Variants in HAP1 observed in about 807,000 individuals in gnomAD.
HAP1 encodes huntingtin-associated protein 1.
HAP1 carries 59 observed loss-of-function variants against 60.3 expected under a neutral mutation model. That is an observed-to-expected ratio of 0.98 (90% CI 0.79 to 1.22). The LOEUF (loss-of-function observed/expected upper bound fraction) is 1.22, where lower values mean the gene tolerates loss of function less well. Ranked by LOEUF, HAP1 falls within the 50% of genes most tolerant of loss-of-function variation. HAP1 has a pLI of 0.00. For missense variants in HAP1, 825 were observed against 785.3 expected, an observed-to-expected ratio of 1.05 and a Z score of -0.60; for synonymous variants, 346 against 330.6, an observed-to-expected ratio of 1.05 and a Z score of -0.50.
intron 6 of HAP1, among the ~76,000 whole-genome samples, chr17:41,729,549 CAAAAAAAAAAAAAAA>C (rs1162563636): frequency 6.3e-5 from 4 of 63,094 alleles, no homozygotes; most frequent in Admixed American, 2.0e-4. Flanking sequence ...GCCTCCTTCT[CAAAAAAAAAAAAAAA>C]AAAAAAAAAA....
chr17:41,731,787 T>G (rs931678719), intron 4 of HAP1, 44 bp from the exon 5 acceptor site: 61 of 1,388,744 alleles, frequency 4.4e-5, no homozygotes, highest in Non-Finnish European at 5.5e-5. Context: ...GGAGTGGGGC[T>G]TCCCAGTTCC....
At chr17:41,726,621 G>A (rs1212231629) in intron 9 of HAP1, among the ~76,000 whole-genome samples, 4 of 151,832 alleles carry the variant, frequency 2.6e-5, no homozygotes, top group Admixed American at 1.3e-4. Context: ...CCAGCACTTT[G>A]GGAGGCTGAG....
At chr17:41,730,434 G>C (rs1912104944) in intron 6 of HAP1, 1 of 152,192 alleles carries the variant, frequency 6.6e-6, no homozygotes, top group African/African-American at 2.4e-5. Flanking sequence ...ACTCATTAAG[G>C]CTGTGTGCAG....
At chr17:41,727,918 G>C (rs1310195905) in intron 7 of HAP1, 82 bp from the exon 8 acceptor site, 4 of 860,892 alleles carry the variant, frequency 4.6e-6, no homozygotes, top group Admixed American at 1.9e-5. Context: ...GTCTTCCCAG[G>C]CACATCAGTG....
intron 8 of HAP1, chr17:41,727,451 G>A (rs782764313): frequency 5.8e-5 from 45 of 778,274 alleles, no homozygotes; most frequent in Non-Finnish European, 8.4e-5. Context: ...CCACCCACAC[G>A]CTCTGCTGGG....
rs782780011 is a variant in HAP1, at chr17:41,732,318, C to A, written c.626G>T (p.Arg209Leu). Residue 209 changes from arginine (R) to leucine (L), a missense_variant, in exon 3 of 11, where the codon CGC becomes CTC. Transcript: ENST00000347901. ...QRERDLNTAA[R>L]IGQSLVKQNS... ...CTGTTTCACCAGGGACTGGCCGATG[C>A]GAGCTGCAGTGTTCAGGTCCCTCTC... 13 of 1,613,906 alleles carry A rather than the reference C, an allele frequency of 8.1e-6. No homozygotes were observed. The highest frequency in any genetic ancestry group is 5.3e-5 in the African/African-American group (4 of 74,910).
Position 41,734,284 on chromosome 17 carries a change from G to A in HAP1, c.351C>T (p.Ala117=), listed in dbSNP as rs1555591985. The A allele has an allele frequency of 1.2e-6, 2 of 1,608,850 alleles. No individual in the cohort carries two copies. Among genetic ancestry groups the A allele is most frequent in the Admixed American group, 3.3e-5 (2 of 59,714 alleles). Residue 117 remains alanine, a synonymous_variant, in exon 1 of 11, where the codon GCC becomes GCT. Coordinates refer to ENST00000347901, the MANE Select transcript of HAP1 (RefSeq NM_177977.3). The stretch of plus-strand genomic sequence containing the variant: ...CTGCCTTTCCAGTCCCCCGGCCAGT[G>A]GCCCGGGAACCAAACGGCCCTTGGA... ...FVFQGPFGSR[A]TGRGTGKAAG...
chr17:41,732,206 A>C, intron 3 of HAP1, 24 bp downstream of exon 3: 1 of 1,611,112 alleles, frequency 6.2e-7, no homozygotes, highest in Non-Finnish European at 8.5e-7. Flanking sequence ...TTGGCCCGCT[A>C]TCCTCTCCTC....
rs1555589014 is a variant in HAP1 at position 41,727,039 on chromosome 17, C to A, written c.1367+14G>T. On this transcript the variant is annotated intron_variant, in intron 9 of 10. Coordinates refer to ENST00000347901, the MANE Select transcript of HAP1 (RefSeq NM_177977.3). ...CCATGGCCTATGGGGCAAGGGAGGG[C>A]CCCAGCCACGCACCTCTCCATAAAA... The A allele has an allele frequency of 1.4e-6, 2 of 1,397,312 alleles. No individual in the cohort carries two copies. Among genetic ancestry groups the A allele is most frequent in the Non-Finnish European group, 2.0e-6 (2 of 1,001,264 alleles). 86.6% of individuals were successfully genotyped at this position (1,397,312 alleles called of 1,614,324 possible).
rs1299749034 is a variant in HAP1 at position 41,724,911 on chromosome 17, T to C, written c.1650A>G (p.Ala550=). ...CTGATGTCACCACGTTCATCCGCGT[T>C]GCCTCATCCAGCTCCAGTTCCACCT... ...WEEVELELDE[A]TRMNVVTSAL... The change falls in exon 11 of 11, where the codon GCA becomes GCG. Residue 550 remains alanine (A), a synonymous_variant. Transcript: ENST00000347901. The C allele has an allele frequency of 6.2e-7, 1 of 1,613,668 alleles. No individual in the cohort carries two copies. Among genetic ancestry groups the C allele is most frequent in the South Asian group, 1.1e-5 (1 of 91,078 alleles).
chr17:41,731,327 C>G (rs374356434), intron 6 of HAP1, among the ~76,000 whole-genome samples, 166 bp downstream of exon 6: 1 of 152,242 alleles, frequency 6.6e-6, no homozygotes, highest in African/African-American at 2.4e-5. Context: ...AAAATTAATC[C>G]CCATTCTAAA....
chr17:41,731,021 C>T (rs1369962088), intron 6 of HAP1, among the ~76,000 whole-genome samples: 2 of 152,098 alleles, frequency 1.3e-5, no homozygotes, highest in African/African-American at 4.8e-5. Flanking sequence ...AGCAATTCTC[C>T]CACCTCAGCC....
chr17:41,734,280 C>T lies in HAP1; in HGVS notation c.355G>A (p.Gly119Ser), dbSNP rs1555591982. The T allele has an allele frequency of 6.2e-7, 1 of 1,608,704 alleles. No homozygotes were observed. Among genetic ancestry groups the T allele is most frequent in the Admixed American group, 1.7e-5 (1 of 59,730 alleles). Reference protein sequence around the residue: ...FQGPFGSRATGRGTGKAAGIW... With the variant: ...FQGPFGSRATSRGTGKAAGIW... ...CCCGCTGCCTTTCCAGTCCCCCGGC[C>T]AGTGGCCCGGGAACCAAACGGCCCT... Residue 119 changes from glycine to serine, a missense_variant, in exon 1 of 11, where the codon GGC becomes AGC. Physicochemically the swap from Gly to Ser is moderately conservative, Grantham distance 56. Transcript: ENST00000347901.
At chr17:41,718,214 G>A (rs1911060032), downstream of HAP1, 2 of 275,748 alleles carry the variant, frequency 7.3e-6, no homozygotes, top group Admixed American at 7.4e-5. Flanking sequence ...ACTAAGCACG[G>A]TGGGGCCTGG....
In HAP1 at chr17:41,732,280, T is replaced by C. The variant is rs782132025; in HGVS notation, c.664A>G (p.Met222Val). 8 of 1,613,994 alleles carry C rather than the reference T, an allele frequency of 5.0e-6. No homozygotes were observed. Among genetic ancestry groups the C allele is most frequent in the African/African-American group, 2.7e-5 (2 of 74,884 alleles). Residue 222 changes from methionine (M) to valine (V), a missense_variant, in exon 3 of 11, where the codon ATG becomes GTG. Met to Val is a conservative substitution (Grantham distance 21). Coordinates refer to ENST00000347901, the MANE Select transcript of HAP1 (RefSeq NM_177977.3). ...GCTTCCAGCTTGCTGTTCTCCTCCA[T>C]CAAAACACTGTTCTGTTTCACCAGG... ...QSLVKQNSVL[M>V]EENSKLEALL...
chr17:41,725,737 T>C (rs41314648), intron 10 of HAP1, 122 bp downstream of exon 10: 12,611 of 791,146 alleles, frequency 0.016, 318 homozygotes, highest in African/African-American at 0.091. Flanking sequence ...CAGTTCTCAG[T>C]TCAGCCAGCC....
chr17:41,728,625 G>C (rs1172934090), intron 6 of HAP1, among the ~76,000 whole-genome samples: 2 of 152,220 alleles, frequency 1.3e-5, no homozygotes, highest in Non-Finnish European at 2.9e-5. Flanking sequence ...CAAATGTCAA[G>C]GGTGTACAGG....
downstream of HAP1, among the ~76,000 whole-genome samples, chr17:41,718,866 C>T (rs543156882): frequency 2.0e-5 from 3 of 152,248 alleles, no homozygotes; most frequent in South Asian, 4.1e-4. Context: ...TTCAGTCCCA[C>T]GGTTTCAGAC....
chr17:41,721,061 T>G (rs998661164), downstream of HAP1: 3 of 152,044 alleles, frequency 2.0e-5, no homozygotes, highest in Non-Finnish European at 4.4e-5. Flanking sequence ...GCCCTCCCAA[T>G]GTGCTGGGAT....
Sources: gnomAD v4.1 joint callset for allele counts (sites outside exome capture counted in the v4.1 genomes callset) on GRCh38, gnomAD v4.1.1 for gene constraint, MANE v1.5 for transcripts, NCBI Gene and HGNC (gene_info 2026-07-23, HGNC 2026-07-21) for gene names.